The following STXBP4 variants were observed in gnomAD, a reference collection of about 807,000 sequenced individuals.
The protein encoded by STXBP4 is syntaxin binding protein 4.
Under a neutral mutation model 76.1 loss-of-function variants are expected in STXBP4, and 55 were observed. The observed-to-expected ratio is 0.72, with a 90% CI of 0.58 to 0.91. The LOEUF is 0.91. Among genes scored for constraint, STXBP4 ranks in the 40% least tolerant of loss-of-function variants. STXBP4 has a pLI of 0.00. For missense variants in STXBP4, 618 were observed against 636.9 expected, an observed-to-expected ratio of 0.97 and a Z score of 0.32; for synonymous variants, 201 against 220.2, an observed-to-expected ratio of 0.91 and a Z score of 0.77.
chr17:55,211,793 TTTG>T, the STXBP4 span, among the ~76,000 whole-genome samples: 2 of 131,934 alleles, frequency 1.5e-5, no homozygotes, highest in South Asian at 5.2e-4. Flanking sequence ...TTTCCTGTTT[TTTG>T]TTGTTTTTTT....
rs11311166 is a variant in STXBP4 at position 55,134,418 on chromosome 17, T to TA, written c.1490-6884dup. Among the ~76,000 whole-genome samples, 35 of 151,764 alleles carry TA rather than the reference T, an allele frequency of 2.3e-4. 1 individual carries two copies. Among genetic ancestry groups the TA allele is most frequent in the East Asian group, 7.7e-4 (4 of 5,170 alleles). On this transcript the variant is annotated intron_variant, in intron 16 of 17. Coordinates refer to ENST00000376352, the MANE Select transcript of STXBP4 (RefSeq NM_178509.6). The stretch of plus-strand genomic sequence containing the variant: ...CTTAGCACTTGATGTACAGTAGATG[T>TA]AAAAAAAATGCTTTACTGTAAAACA...
intron 11 of STXBP4, 80 bp from the exon 12 acceptor site, chr17:55,047,009 G>A: frequency 2.7e-6 from 2 of 730,164 alleles, no homozygotes; most frequent in Non-Finnish European, 4.7e-6. Context: ...GGGAATATAG[G>A]CCTTGAAACA....
chr17:55,082,565 C>T (rs756590246), intron 16 of STXBP4, among the ~76,000 whole-genome samples: 6 of 151,938 alleles, frequency 3.9e-5, no homozygotes, highest in Non-Finnish European at 8.8e-5. Context: ...TGCACAGGAC[C>T]GTTCAGTGTA....
chr17:55,081,543 CA>C (rs2079255058), intron 16 of STXBP4, among the ~76,000 whole-genome samples: 1 of 152,044 alleles, frequency 6.6e-6, no homozygotes, highest in African/African-American at 2.4e-5. Context: ...ATGTACAGTC[CA>C]ACTGAGCAAA....
intron 16 of STXBP4, among the ~76,000 whole-genome samples, chr17:55,105,561 G>A (rs1440671511): frequency 6.7e-6 from 1 of 149,994 alleles, no homozygotes; most frequent in Non-Finnish European, 1.5e-5. Context: ...TCTGCCTTCC[G>A]GGTTCATACA....
intron 16 of STXBP4, among the ~76,000 whole-genome samples, chr17:55,088,452 A>G (rs1253630077): frequency 6.6e-6 from 1 of 152,154 alleles, no homozygotes; most frequent in African/African-American, 2.4e-5. Flanking sequence ...CTGGAGTACA[A>G]TGATGTGATC....
chr17:55,075,369 G>A (rs1172118912), intron 13 of STXBP4, among the ~76,000 whole-genome samples: 4 of 151,952 alleles, frequency 2.6e-5, no homozygotes, highest in Admixed American at 6.6e-5. Context: ...TAGCTAGTTC[G>A]TGTCTTCTTA....
intron 16 of STXBP4, among the ~76,000 whole-genome samples, chr17:55,130,471 G>A (rs1429164081): frequency 2.0e-5 from 3 of 152,142 alleles, no homozygotes; most frequent in Admixed American, 2.0e-4. Context: ...ATTATGGAAT[G>A]ATCAAATCAG....
At chr17:55,088,495 A>G (rs2079367393) in intron 16 of STXBP4, among the ~76,000 whole-genome samples, 1 of 152,150 alleles carries the variant, frequency 6.6e-6, no homozygotes, top group Non-Finnish European at 1.5e-5. Context: ...TCCCAGGTTC[A>G]AGCAATTCTC....
At chr17:55,000,651 A>T (rs1213841581) in intron 6 of STXBP4, among the ~76,000 whole-genome samples, 157 bp from the exon 7 acceptor site, 1 of 152,120 alleles carries the variant, frequency 6.6e-6, no homozygotes, top group African/African-American at 2.4e-5. Context: ...TTAATTCTGA[A>T]TTGCTTTGTT....
downstream of STXBP4, among the ~76,000 whole-genome samples, chr17:55,177,599 A>T (rs1351498825): frequency 1.3e-5 from 2 of 152,208 alleles, no homozygotes; most frequent in African/African-American, 2.4e-5. Flanking sequence ...CTTTGAAAGG[A>T]GGTTGTTCAT....
At chr17:55,119,639 A>C (rs77484303) in intron 16 of STXBP4, among the ~76,000 whole-genome samples, 3,093 of 152,138 alleles carry the variant, frequency 0.02, 76 homozygotes, top group African/African-American at 0.055. Context: ...ATGAATATAT[A>C]TTTATGTGTT....
intron 13 of STXBP4, among the ~76,000 whole-genome samples, chr17:55,073,930 G>T (rs991608089): frequency 1.3e-5 from 2 of 152,002 alleles, no homozygotes; most frequent in African/African-American, 4.8e-5. Context: ...CGCCTGGACA[G>T]TGCAAACTTT....
At chr17:55,059,825 T>G (rs1419534699) in intron 12 of STXBP4, among the ~76,000 whole-genome samples, 1 of 152,094 alleles carries the variant, frequency 6.6e-6, no homozygotes, top group African/African-American at 2.4e-5. Flanking sequence ...GTAATCATAA[T>G]AGTAATATAC....
At chr17:55,042,356 T>G (rs964765828) in intron 10 of STXBP4, among the ~76,000 whole-genome samples, 5 of 152,146 alleles carry the variant, frequency 3.3e-5, no homozygotes, top group Non-Finnish European at 5.9e-5. Context: ...ATATACAGTC[T>G]TTAGCAATGC....
At position 55,003,260 on chromosome 17, in the gene STXBP4, A is replaced by G. The variant is rs546791540; in HGVS notation, c.574+2377A>G. On this transcript the variant is annotated intron_variant, in intron 7 of 17. Coordinates refer to ENST00000376352, the MANE Select transcript of STXBP4 (RefSeq NM_178509.6). ...TTGTTAACAATGAATAAACTCAGGT[A>G]AATTTATACCAGTCGCTATAAGAAT... 5.3e-5 allele frequency among the ~76,000 whole-genome samples: 8 copies of G among 152,336 alleles called. No individual in the cohort carries two copies. The East Asian group carries it at 9.6e-4, about 18-fold the overall frequency.
rs1311761226 is a variant in STXBP4, at chr17:55,164,326, T to C, written c.*4415T>C. ...CTTTTTTCAAAAGTTCAATTTTTAC[T>C]TTTGGGGGTTGGACTGTTCTGAGGG... On this transcript the variant is annotated 3_prime_UTR_variant, in exon 18 of 18. Transcript: ENST00000376352. 6.6e-6 allele frequency: 1 copy of C among 152,186 alleles called. No individual in the cohort carries two copies. Among genetic ancestry groups the C allele is most frequent in the Non-Finnish European group, 1.5e-5 (1 of 68,026 alleles). 9.4% of individuals were successfully genotyped at this position (152,186 alleles called of 1,614,324 possible).
chr17:55,185,251 C>CTTCTTCTTCTCCTT, the STXBP4 span, among the ~76,000 whole-genome samples: 81 of 49,376 alleles, frequency 1.6e-3, 5 homozygotes, highest in African/African-American at 6.1e-3. Flanking sequence ...TTCTTCTTCT[C>CTTCTTCTTCTCCTT]CTTCTCCTTC....
chr17:55,007,027 A>C (rs1338014030), intron 7 of STXBP4, among the ~76,000 whole-genome samples: 5 of 152,154 alleles, frequency 3.3e-5, no homozygotes, highest in Non-Finnish European at 5.9e-5. Flanking sequence ...TTATATAAAA[A>C]ATTTAGACTT....
Sources: gnomAD v4.1 joint callset for allele counts (sites outside exome capture counted in the v4.1 genomes callset) on GRCh38, gnomAD v4.1.1 for gene constraint, MANE v1.5 for transcripts, NCBI Gene and HGNC (gene_info 2026-07-23, HGNC 2026-07-21) for gene names.